Variants in TBC1D1 observed in about 807,000 individuals in gnomAD.
The protein encoded by TBC1D1 is TBC1 domain family member 1, also known as TBC1 (tre-2/USP6, BUB2, cdc16) domain family, member 1.
Under a neutral mutation model 125.6 loss-of-function variants are expected in TBC1D1, and 89 were observed. The observed-to-expected ratio is 0.71, with a 90% CI of 0.60 to 0.85. The LOEUF is 0.85. Ranked by LOEUF, TBC1D1 falls within the 40% of genes least tolerant of loss-of-function variation. The pLI is 0.00. For synonymous variants in TBC1D1, 565 were observed against 564.1 expected (o/e 1.00, Z -0.02); for missense variants, 1,377 against 1,469.2 (o/e 0.94, Z 1.03).
At chr4:37,945,634 G>A (rs766685226) in intron 2 of TBC1D1, among the ~76,000 whole-genome samples, 15 of 141,262 alleles carry the variant, frequency 1.1e-4, no homozygotes, top group Admixed American at 1.5e-4. Context: ...GGATGATGTT[G>A]TATGCTTCTT....
chr4:38,038,412 A>T (rs1472895164), intron 8 of TBC1D1, among the ~76,000 whole-genome samples: 3 of 152,174 alleles, frequency 2.0e-5, no homozygotes, highest in African/African-American at 7.2e-5. Context: ...AATTTGCTTT[A>T]TCATATATTT....
At chr4:38,135,194 C>T (rs1766288318) in intron 19 of TBC1D1, among the ~76,000 whole-genome samples, 1 of 152,200 alleles carries the variant, frequency 6.6e-6, no homozygotes, top group African/African-American at 2.4e-5. Flanking sequence ...AAAATCAACC[C>T]ATTTCCTACC....
At chr4:38,134,371 A>G (rs1425283652) in intron 19 of TBC1D1, among the ~76,000 whole-genome samples, 3 of 151,114 alleles carry the variant, frequency 2.0e-5, no homozygotes, top group Admixed American at 1.3e-4. Flanking sequence ...GCCCAGCCCT[A>G]ATAACCACTC....
chr4:37,932,459 C>A (rs1426973002), intron 2 of TBC1D1, among the ~76,000 whole-genome samples: 1 of 152,098 alleles, frequency 6.6e-6, no homozygotes, highest in Non-Finnish European at 1.5e-5. Flanking sequence ...GAAAAAGACA[C>A]TAGAAAATTT....
chr4:38,002,973 C>T (rs1939910383), intron 2 of TBC1D1, among the ~76,000 whole-genome samples: 1 of 152,226 alleles, frequency 6.6e-6, no homozygotes, highest in African/African-American at 2.4e-5. Flanking sequence ...CTACCTGAGT[C>T]AGCATAGCAA....
At chr4:37,993,309 A>G (rs1737043025) in intron 2 of TBC1D1, among the ~76,000 whole-genome samples, 1 of 152,228 alleles carries the variant, frequency 6.6e-6, no homozygotes, top group African/African-American at 2.4e-5. Flanking sequence ...TTTACTAAAT[A>G]CATTCTAAAG....
At chr4:38,122,402 GCCCTGCACAACCAGTGC>G (rs1343599098) in intron 17 of TBC1D1, among the ~76,000 whole-genome samples, 1 of 149,666 alleles carries the variant, frequency 6.7e-6, no homozygotes, top group African/African-American at 2.6e-5. Flanking sequence ...CCCACCTTCT[GCCCTGCACAACCAGTGC>G]CCCTGCCTTG....
intron 17 of TBC1D1, among the ~76,000 whole-genome samples, chr4:38,119,462 A>G (rs1198987641): frequency 6.6e-6 from 1 of 152,074 alleles, no homozygotes; most frequent in Non-Finnish European, 1.5e-5. Flanking sequence ...ACAAAAAGCT[A>G]TCTCCTGGTT....
At position 38,118,242 on chromosome 4, in the gene TBC1D1, G is replaced by T. The variant is rs780381694; in HGVS notation, c.2962+50G>T. On this transcript the variant is annotated intron_variant, in intron 17 of 19. Transcript: ENST00000261439. ...CAGAACCAGCCTTCTCTTATTAGAG[G>T]GGAAACATTTCCTGTCTCTCCGTGG... 11 of 1,593,008 alleles carry T rather than the reference G, an allele frequency of 6.9e-6. No homozygotes were observed. The Admixed American group carries it at 1.9e-4, about 27-fold the overall frequency.
At chr4:38,000,428 G>A (rs1487291523) in intron 2 of TBC1D1, among the ~76,000 whole-genome samples, 2 of 152,130 alleles carry the variant, frequency 1.3e-5, no homozygotes, top group African/African-American at 2.4e-5. Context: ...TGGAATATTT[G>A]CATTGTACTC....
chr4:38,036,694 C>T (rs543920687), intron 8 of TBC1D1, among the ~76,000 whole-genome samples: 28 of 152,308 alleles, frequency 1.8e-4, no homozygotes, highest in African/African-American at 5.8e-4. Flanking sequence ...TTGGCAGTCA[C>T]GTGCCTTCCC....
intron 2 of TBC1D1, among the ~76,000 whole-genome samples, chr4:37,987,741 G>A (rs137931877): frequency 4.6e-5 from 7 of 152,320 alleles, no homozygotes; most frequent in African/African-American, 7.2e-5. Context: ...ATGATAGACC[G>A]AAAGAGGTCA....
At chr4:37,913,072 T>C (rs1156489820) in intron 2 of TBC1D1, among the ~76,000 whole-genome samples, 1 of 152,174 alleles carries the variant, frequency 6.6e-6, no homozygotes, top group Admixed American at 6.5e-5. Flanking sequence ...ATCTTACCCA[T>C]AGTGTAATTA....
chr4:38,092,657 C>T (rs1029238967), intron 13 of TBC1D1, among the ~76,000 whole-genome samples: 1 of 151,568 alleles, frequency 6.6e-6, no homozygotes, highest in Admixed American at 6.6e-5. Flanking sequence ...ATCGCTTGAA[C>T]CCAGGAGACG....
intron 12 of TBC1D1, among the ~76,000 whole-genome samples, chr4:38,081,305 G>A (rs1219385579): frequency 6.6e-6 from 1 of 152,124 alleles, no homozygotes; most frequent in Non-Finnish European, 1.5e-5. Flanking sequence ...GCAGCAGGAG[G>A]AAGCCGTCTC....
intron 2 of TBC1D1, among the ~76,000 whole-genome samples, chr4:37,926,093 T>C (rs1329179449): frequency 6.6e-6 from 1 of 152,240 alleles, no homozygotes; most frequent in Non-Finnish European, 1.5e-5. Context: ...TCTGTGTGCA[T>C]TAACTTTAAC....
chr4:37,948,492 T>C (rs1255087389), intron 2 of TBC1D1, among the ~76,000 whole-genome samples: 1 of 152,038 alleles, frequency 6.6e-6, no homozygotes. Flanking sequence ...CTGAGCGTGG[T>C]GGCGCATGCC....
chr4:37,907,341 A>AT (rs1158938032), intron 2 of TBC1D1, among the ~76,000 whole-genome samples: 1 of 152,136 alleles, frequency 6.6e-6, no homozygotes, highest in Admixed American at 6.5e-5. Context: ...ATATCAAAGT[A>AT]TTTTTTGCAC....
At chr4:37,953,823 T>A (rs568305123) in intron 2 of TBC1D1, among the ~76,000 whole-genome samples, 1 of 152,192 alleles carries the variant, frequency 6.6e-6, no homozygotes, top group South Asian at 2.1e-4. Context: ...TAAGGATGAG[T>A]TCAGCTAAAA....
Sources: gnomAD v4.1 joint callset for allele counts (sites outside exome capture counted in the v4.1 genomes callset) on GRCh38, gnomAD v4.1.1 for gene constraint, MANE v1.5 for transcripts, NCBI Gene and HGNC (gene_info 2026-07-23, HGNC 2026-07-21) for gene names.